CAMK1D: variants seen among roughly 807,000 people sequenced by gnomAD.
The protein encoded by CAMK1D is calcium/calmodulin dependent protein kinase ID.
CAMK1D carries 9 observed loss-of-function variants against 47.7 expected under a neutral mutation model. The observed-to-expected ratio is 0.19, with a 90% CI of 0.11 to 0.33. CAMK1D has a LOEUF of 0.33. CAMK1D is among the 10% of genes least tolerant of loss of function. CAMK1D has a pLI of 1.00. For synonymous variants in CAMK1D, 184 were observed against 184.9 expected, an observed-to-expected ratio of 0.99 and a Z score of 0.04; for missense variants, 291 against 488.7, an observed-to-expected ratio of 0.60 and a Z score of 3.81.
At chr10:12,462,375 AGGAT>A (rs1283061071) in intron 1 of CAMK1D, among the ~76,000 whole-genome samples, 1 of 152,008 alleles carries the variant, frequency 6.6e-6, no homozygotes, top group Non-Finnish European at 1.5e-5. Flanking sequence ...CATGTTAGCC[AGGAT>A]GGTCTCCATC....
chr10:12,729,844 A>G (rs1352003564), intron 3 of CAMK1D, among the ~76,000 whole-genome samples: 1 of 152,154 alleles, frequency 6.6e-6, no homozygotes, highest in African/African-American at 2.4e-5. Flanking sequence ...GGTGTGGCCA[A>G]GGCCCAGCGG....
At chr10:12,591,013 G>T (rs180724112) in intron 2 of CAMK1D, among the ~76,000 whole-genome samples, 1 of 152,160 alleles carries the variant, frequency 6.6e-6, no homozygotes, top group Admixed American at 6.5e-5. Context: ...ATAGCTAACC[G>T]ATTTTTAATT....
intron 2 of CAMK1D, among the ~76,000 whole-genome samples, chr10:12,645,508 T>G (rs1263127474): frequency 6.6e-6 from 1 of 152,178 alleles, no homozygotes; most frequent in Admixed American, 6.5e-5. Context: ...AACAACGAGA[T>G]GAAGAGCTGG....
chr10:12,734,233 A>G (rs889397454), intron 3 of CAMK1D, among the ~76,000 whole-genome samples: 5 of 147,870 alleles, frequency 3.4e-5, no homozygotes, highest in Non-Finnish European at 7.4e-5. Context: ...GAAACAGGAG[A>G]ATCGCTTGAA....
chr10:12,582,135 T>C (rs1193301267), intron 2 of CAMK1D, among the ~76,000 whole-genome samples: 1 of 152,218 alleles, frequency 6.6e-6, no homozygotes, highest in Non-Finnish European at 1.5e-5. Context: ...GCACATTTGT[T>C]GAATAGGCTG....
At chr10:12,492,960 G>A (rs1328974679) in intron 1 of CAMK1D, among the ~76,000 whole-genome samples, 1 of 152,158 alleles carries the variant, frequency 6.6e-6, no homozygotes, top group Non-Finnish European at 1.5e-5. Flanking sequence ...GTGGATGCCC[G>A]GCTTCCCTGG....
At chr10:12,371,954 G>A (rs1192588970) in intron 1 of CAMK1D, among the ~76,000 whole-genome samples, 4 of 152,064 alleles carry the variant, frequency 2.6e-5, no homozygotes, top group Admixed American at 1.3e-4. Context: ...GGTGTGAGCC[G>A]TGGTGCCCCG....
intron 2 of CAMK1D, among the ~76,000 whole-genome samples, chr10:12,635,787 T>A (rs917932069): frequency 9.9e-5 from 15 of 151,830 alleles, no homozygotes; most frequent in African/African-American, 3.6e-4. Context: ...CCTTCCCTTC[T>A]AAAAAAAATG....
intron 1 of CAMK1D, among the ~76,000 whole-genome samples, chr10:12,359,755 T>C (rs1466751914): frequency 6.6e-6 from 1 of 152,220 alleles, no homozygotes; most frequent in Non-Finnish European, 1.5e-5. Context: ...GGAACTTACT[T>C]ACAGTGTCTA....
At chr10:12,644,926 G>C (rs1159817607) in intron 2 of CAMK1D, among the ~76,000 whole-genome samples, 1 of 151,986 alleles carries the variant, frequency 6.6e-6, no homozygotes, top group Non-Finnish European at 1.5e-5. Flanking sequence ...GTTAGGAATA[G>C]ATGACTAATA....
chr10:12,369,937 C>CA (rs1304420844), intron 1 of CAMK1D, among the ~76,000 whole-genome samples: 7 of 148,544 alleles, frequency 4.7e-5, no homozygotes, highest in South Asian at 2.1e-4. Flanking sequence ...GTCTGAGTAA[C>CA]AGAGTGAGAC....
intron 2 of CAMK1D, among the ~76,000 whole-genome samples, chr10:12,557,156 G>A (rs115763666): frequency 5.3e-4 from 80 of 152,280 alleles, no homozygotes; most frequent in African/African-American, 1.8e-3. Context: ...GGGGTTGGGA[G>A]GATGCCCTGG....
intron 8 of CAMK1D, among the ~76,000 whole-genome samples, chr10:12,823,950 A>C (rs1372669041): frequency 6.6e-6 from 1 of 151,912 alleles, no homozygotes; most frequent in Non-Finnish European, 1.5e-5. Context: ...CCCTGGGAGC[A>C]GCGCCCCTGG....
At chr10:12,553,149 G>A (rs1422830166) in intron 1 of CAMK1D, 76 bp from the exon 2 acceptor site, 8 of 1,601,226 alleles carry the variant, frequency 5.0e-6, no homozygotes, top group South Asian at 3.3e-5. Context: ...CTCAAACTTC[G>A]GTGGTAGGGT....
chr10:12,820,678 C>T (rs973031683), intron 8 of CAMK1D, among the ~76,000 whole-genome samples: 1 of 152,224 alleles, frequency 6.6e-6, no homozygotes, highest in Non-Finnish European at 1.5e-5. Context: ...TCCTTAGCCC[C>T]CAAACAGACC....
At chr10:12,414,622 C>G (rs1308382948) in intron 1 of CAMK1D, among the ~76,000 whole-genome samples, 1 of 152,148 alleles carries the variant, frequency 6.6e-6, no homozygotes, top group Non-Finnish European at 1.5e-5. Flanking sequence ...TTGTAGGCAC[C>G]TTTCTGAAAA....
intron 4 of CAMK1D, among the ~76,000 whole-genome samples, chr10:12,766,747 G>A (rs11257978): frequency 0.054 from 8,246 of 152,054 alleles, 582 homozygotes; most frequent in East Asian, 0.35. Flanking sequence ...CAGGAGTCCT[G>A]TCAGTGGGGG....
intron 3 of CAMK1D, among the ~76,000 whole-genome samples, chr10:12,742,899 G>A (rs377336040): frequency 1.3e-5 from 2 of 152,266 alleles, no homozygotes; most frequent in East Asian, 1.9e-4. Context: ...CGTCAGAGAC[G>A]GGGACTGTTT....
chr10:12,623,414 TTCTTTCCTTCCTC>T lies in CAMK1D; in HGVS notation c.225-43321_225-43309del, dbSNP rs1207175489. Among the ~76,000 whole-genome samples the T allele has an allele frequency of 4.0e-3, 4 of 1,004 alleles. 1 individual carries two copies. The highest frequency in any genetic ancestry group is 0.018 in the Non-Finnish European group (4 of 220). 0.7% of individuals were successfully genotyped at this position (1,004 alleles called of 152,430 possible). A position where few individuals can be genotyped will look rare whatever the true frequency, so the allele number is the denominator to read the frequency against. Reference sequence around the variant, plus strand: ...CTCCCTCCCTCCCTTCCTCCCTCCTTTCTTTCCTTCCTCCCTCCCTCCCTTCTTTCCTTCCTTC... The same window carrying T: ...CTCCCTCCCTCCCTTCCTCCCTCCTTCCTCCCTCCCTTCTTTCCTTCCTTC... On this transcript the variant is annotated intron_variant, in intron 2 of 10. Coordinates refer to ENST00000619168, the MANE Select transcript of CAMK1D (RefSeq NM_153498.4).
Sources: allele counts gnomAD v4.1 joint callset (sites outside exome capture counted in the v4.1 genomes callset), GRCh38; gene constraint gnomAD v4.1.1; transcripts MANE v1.5; gene names NCBI Gene and HGNC (gene_info 2026-07-23, HGNC 2026-07-21).